The following NFAT5 variants were observed in gnomAD, a reference collection of about 807,000 sequenced individuals.
NFAT5 encodes nuclear factor of activated T cells 5, also known as nuclear factor of activated T-cells 5.
A neutral mutation model predicts 166.5 loss-of-function variants in NFAT5; 31 were observed. The observed-to-expected ratio is 0.19, with a 90% CI of 0.14 to 0.25. The LOEUF (loss-of-function observed/expected upper bound fraction) is 0.25. Ranked by LOEUF, NFAT5 falls within the 10% of genes least tolerant of loss-of-function variation. The pLI is 1.00. For synonymous variants in NFAT5, 612 were observed against 639.7 expected (o/e 0.96, Z 0.65); for missense variants, 1,449 against 1,821.8 (o/e 0.80, Z 3.72).
intron 6 of NFAT5, among the ~76,000 whole-genome samples, 180 bp downstream of exon 6, chr16:69,655,979 C>T (rs1446016213): frequency 6.6e-6 from 1 of 152,070 alleles, no homozygotes; most frequent in Non-Finnish European, 1.5e-5. Context: ...TTACCATTTG[C>T]TAAAGAATTC....
At chr16:69,573,526 C>G (rs548932457) in intron 2 of NFAT5, among the ~76,000 whole-genome samples, 27 of 152,198 alleles carry the variant, frequency 1.8e-4, no homozygotes, top group Admixed American at 1.6e-3. Context: ...GGATCCATGT[C>G]TAGTAAACTA....
At chr16:69,619,339 GTA>G (rs1165734714) in intron 2 of NFAT5, among the ~76,000 whole-genome samples, 1 of 152,228 alleles carries the variant, frequency 6.6e-6, no homozygotes, top group South Asian at 2.1e-4. Context: ...TAATTTTGTT[GTA>G]TATATTTTAT....
chr16:69,683,462 T>C (rs1397875934), intron 10 of NFAT5, among the ~76,000 whole-genome samples: 3 of 150,756 alleles, frequency 2.0e-5, no homozygotes, highest in Non-Finnish European at 4.4e-5. Context: ...GCTTGGGAGG[T>C]GGAAGTTGCA....
chr16:69,673,139 C>T (rs1281635712), intron 9 of NFAT5, among the ~76,000 whole-genome samples: 3 of 152,092 alleles, frequency 2.0e-5, no homozygotes, highest in Middle Eastern at 3.4e-3. Flanking sequence ...AAATAAGACA[C>T]GTGGTGGAAT....
intron 2 of NFAT5, among the ~76,000 whole-genome samples, chr16:69,612,499 A>G (rs2033750125): frequency 6.6e-6 from 1 of 152,182 alleles, no homozygotes; most frequent in Admixed American, 6.5e-5. Context: ...ATCATGGGCA[A>G]GTTGAATTTT....
Position 69,647,205 on chromosome 16 carries a change from G to A in NFAT5, c.431G>A (p.Ser144Asn). 2 of 1,614,082 alleles carry A rather than the reference G, an allele frequency of 1.2e-6. No homozygotes were observed. Among genetic ancestry groups the A allele is most frequent in the South Asian group, 1.1e-5 (1 of 91,068 alleles). ...GGGGTAAGTGAAAAGCAGTTAACCAGTAACACAGTTCAGCAGCATCCATCA... is the reference window on the plus strand; with the variant it reads ...GGGGTAAGTGAAAAGCAGTTAACCAATAACACAGTTCAGCAGCATCCATCA... Reference protein sequence around the residue: ...NRGVSEKQLTSNTVQQHPSTP... With the variant: ...NRGVSEKQLTNNTVQQHPSTP... Residue 144 changes from serine to asparagine, a missense_variant, in exon 4 of 15, where the codon AGT becomes AAT. Coordinates refer to ENST00000349945, the MANE Select transcript of NFAT5 (RefSeq NM_138713.4). This position sits in a 1 kb window ranked among gnomAD's most constrained non-coding sequence, Gnocchi z 4.8.
chr16:69,694,262 T>G (rs1283549523), intron 13 of NFAT5, 23 bp downstream of exon 13: 8 of 1,550,774 alleles, frequency 5.2e-6, no homozygotes, highest in Non-Finnish European at 7.1e-6. Flanking sequence ...AATTTTTCAT[T>G]ACTTAATTGG....
At chr16:69,599,074 A>C (rs1161595457) in intron 2 of NFAT5, among the ~76,000 whole-genome samples, 1 of 151,830 alleles carries the variant, frequency 6.6e-6, no homozygotes, top group Non-Finnish European at 1.5e-5. Context: ...CCATAGAAAC[A>C]GAAAGTAAAT....
intron 1 of NFAT5, 44 bp from the exon 2 acceptor site, chr16:69,568,443 TTTTTTTCC>T (rs886150718): frequency 2.7e-6 from 4 of 1,494,278 alleles, no homozygotes; most frequent in Admixed American, 3.5e-5. Context: ...ATCCTTGGCA[TTTTTTTCC>T]TCATTCAGCA....
intron 11 of NFAT5, 131 bp from the exon 12 acceptor site, chr16:69,690,809 T>A (rs2037515511): frequency 1.5e-6 from 1 of 669,442 alleles, no homozygotes. Flanking sequence ...ATACCAGGTT[T>A]GTATCTCATG....
intron 10 of NFAT5, among the ~76,000 whole-genome samples, chr16:69,681,287 G>A (rs1472451440): frequency 2.6e-5 from 4 of 152,068 alleles, no homozygotes; most frequent in African/African-American, 7.2e-5. Context: ...TAATATTTAC[G>A]GGTTGGAGTA....
At chr16:69,627,319 G>T (rs2034504785) in intron 3 of NFAT5, among the ~76,000 whole-genome samples, 1 of 113,206 alleles carries the variant, frequency 8.8e-6, no homozygotes, top group Admixed American at 1.0e-4. Context: ...TTAAAAAAAG[G>T]AAACATATAT....
chr16:69,620,391 T>TAC (rs1242035910), intron 2 of NFAT5, among the ~76,000 whole-genome samples: 2 of 152,228 alleles, frequency 1.3e-5, no homozygotes, highest in African/African-American at 4.8e-5. Context: ...GTGAGTTGAT[T>TAC]ACACATTATC....
intron 2 of NFAT5, among the ~76,000 whole-genome samples, chr16:69,625,438 A>T (rs1266000639): frequency 1.3e-5 from 2 of 152,044 alleles, no homozygotes; most frequent in African/African-American, 4.8e-5. Context: ...TTTATGCATT[A>T]TGCAGTCTGA....
chr16:69,657,155 G>T (rs926734081), intron 6 of NFAT5, among the ~76,000 whole-genome samples: 11 of 151,600 alleles, frequency 7.3e-5, no homozygotes, highest in Admixed American at 2.6e-4. Flanking sequence ...TTTGGAGAGG[G>T]AGTCTTGCTT....
intron 7 of NFAT5, among the ~76,000 whole-genome samples, chr16:69,662,312 G>A (rs2036178698): frequency 6.6e-6 from 1 of 152,092 alleles, no homozygotes; most frequent in South Asian, 2.1e-4. Flanking sequence ...TGGGCAGAGG[G>A]ATTCATGTAT....
intron 2 of NFAT5, among the ~76,000 whole-genome samples, chr16:69,617,885 G>A (rs1230433912): frequency 4.6e-5 from 7 of 152,052 alleles, no homozygotes; most frequent in South Asian, 4.1e-4. Flanking sequence ...GGCCGGGCAC[G>A]GTGGCTCATG....
At chr16:69,684,063 C>T (rs534903100) in intron 10 of NFAT5, among the ~76,000 whole-genome samples, 1 of 151,832 alleles carries the variant, frequency 6.6e-6, no homozygotes, top group Admixed American at 6.6e-5. Flanking sequence ...TGCGCCATTG[C>T]ACTCCAGCCT....
At chr16:69,682,826 C>G (rs1428676325) in intron 10 of NFAT5, among the ~76,000 whole-genome samples, 19 of 152,036 alleles carry the variant, frequency 1.2e-4, no homozygotes, top group Admixed American at 1.2e-3. Flanking sequence ...AATTATTTAA[C>G]TTCATTCTCA....
Sources: gnomAD v4.1 joint callset for allele counts (sites outside exome capture counted in the v4.1 genomes callset) on GRCh38, gnomAD v4.1.1 for gene constraint, Gnocchi (gnomAD v3.1) non-coding constraint, MANE v1.5 for transcripts, NCBI Gene and HGNC (gene_info 2026-07-23, HGNC 2026-07-21) for gene names.